The following MARCHF11 variants were observed in gnomAD, a reference collection of about 807,000 sequenced individuals.
MARCHF11 encodes the protein membrane associated ring-CH-type finger 11.
MARCHF11 carries 29 observed loss-of-function variants against 37.3 expected under a neutral mutation model. The observed-to-expected ratio is 0.78, with a 90% CI of 0.58 to 1.06. MARCHF11 has a LOEUF of 1.06. MARCHF11 is among the 50% of genes least tolerant of loss of function. MARCHF11 has a pLI of 0.00. For missense variants in MARCHF11, 482 were observed against 533.4 expected (o/e 0.90, Z 0.95); for synonymous variants, 233 against 228.0 (o/e 1.02, Z -0.20).
At chr5:16,155,403 T>C (rs567507794) in intron 2 of MARCHF11, among the ~76,000 whole-genome samples, 8 of 151,966 alleles carry the variant, frequency 5.3e-5, no homozygotes, top group African/African-American at 1.7e-4. Flanking sequence ...ATTTTTACCC[T>C]ATTGGTATCT....
intron 2 of MARCHF11, among the ~76,000 whole-genome samples, chr5:16,140,501 T>A (rs1290774065): frequency 6.6e-6 from 1 of 152,124 alleles, no homozygotes. Context: ...CCAGACAAAA[T>A]CAACTTCACA....
At chr5:16,153,664 G>C (rs2218211) in intron 2 of MARCHF11, among the ~76,000 whole-genome samples, 2 of 151,952 alleles carry the variant, frequency 1.3e-5, no homozygotes, top group Non-Finnish European at 2.9e-5. Flanking sequence ...TTACAGCAGA[G>C]AATGCTAATT....
At chr5:16,114,568 C>T (rs181770409) in intron 2 of MARCHF11, among the ~76,000 whole-genome samples, 64 of 152,180 alleles carry the variant, frequency 4.2e-4, no homozygotes, top group East Asian at 3.9e-4. Context: ...GTAATCTTCC[C>T]TTTTTGTCTA....
chr5:16,141,415 G>T (rs902314202), intron 2 of MARCHF11: 1 of 152,150 alleles, frequency 6.6e-6, no homozygotes, highest in Non-Finnish European at 1.5e-5. Flanking sequence ...CACTCCCAAA[G>T]TTTCAGGCAC....
chr5:16,172,384 A>G (rs1738284261), intron 2 of MARCHF11, among the ~76,000 whole-genome samples: 1 of 152,158 alleles, frequency 6.6e-6, no homozygotes, highest in Admixed American at 6.5e-5. Flanking sequence ...CAGGATAGAC[A>G]TTTAAATATA....
At chr5:16,172,017 G>T (rs1380558066) in intron 2 of MARCHF11, among the ~76,000 whole-genome samples, 2 of 152,162 alleles carry the variant, frequency 1.3e-5, no homozygotes, top group Admixed American at 6.5e-5. Flanking sequence ...CACCTATAGG[G>T]TACATGTTGT....
At chr5:16,103,385 TAG>T (rs1736991977) in intron 2 of MARCHF11, among the ~76,000 whole-genome samples, 2 of 152,108 alleles carry the variant, frequency 1.3e-5, no homozygotes, top group African/African-American at 4.8e-5. Flanking sequence ...TTATTGTTGC[TAG>T]AGAGTAGAAT....
intron 2 of MARCHF11, among the ~76,000 whole-genome samples, chr5:16,107,775 G>A (rs1367945866): frequency 6.6e-6 from 1 of 152,022 alleles, no homozygotes; most frequent in Non-Finnish European, 1.5e-5. Context: ...CAGACAAATG[G>A]CAGAATGGCG....
chr5:16,108,607 T>C (rs185027847), intron 2 of MARCHF11, among the ~76,000 whole-genome samples: 1 of 151,854 alleles, frequency 6.6e-6, no homozygotes, highest in African/African-American at 2.4e-5. Flanking sequence ...GAGGACCAGA[T>C]ATGTTTGCTT....
intron 3 of MARCHF11, among the ~76,000 whole-genome samples, chr5:16,080,588 T>C (rs1474071265): frequency 6.6e-6 from 1 of 152,174 alleles, no homozygotes; most frequent in Non-Finnish European, 1.5e-5. Context: ...AGCCCTCTTC[T>C]GATAGCCAGT....
At chr5:16,072,909 A>G (rs1736462287) in intron 3 of MARCHF11, among the ~76,000 whole-genome samples, 1 of 152,164 alleles carries the variant, frequency 6.6e-6, no homozygotes, top group African/African-American at 2.4e-5. Context: ...TAGAGGTATA[A>G]TAATGTCAGT....
chr5:16,089,292 T>C (rs904642606), intron 3 of MARCHF11, among the ~76,000 whole-genome samples: 6 of 152,182 alleles, frequency 3.9e-5, no homozygotes, highest in South Asian at 4.1e-4. Flanking sequence ...AAAGACAGAA[T>C]AAACACTGTC....
intron 3 of MARCHF11, among the ~76,000 whole-genome samples, chr5:16,073,349 T>G (rs1476154382): frequency 2.0e-5 from 3 of 152,168 alleles, no homozygotes; most frequent in South Asian, 2.1e-4. Context: ...ATCCTCCTGA[T>G]GCTGTTTCTT....
rs1396294950 is a variant in MARCHF11 at position 16,179,720 on chromosome 5, G to A, written c.-145C>T. On this transcript the variant is annotated 5_prime_UTR_variant, in exon 1 of 4. Transcript: ENST00000332432. ...CTGGGGCTAGGGGGCGGGACGGGGA[G>A]GGGATGCGGAAGGTTCTGCAGCTGC... 2.5e-6 allele frequency: 1 copy of A among 404,828 alleles called. No homozygotes were observed. Among genetic ancestry groups the A allele is most frequent in the African/African-American group, 2.2e-5 (1 of 45,788 alleles). 25.1% of individuals were successfully genotyped at this position (404,828 alleles called of 1,614,324 possible).
chr5:16,143,056 T>C (rs1737743688), intron 2 of MARCHF11, among the ~76,000 whole-genome samples: 1 of 152,062 alleles, frequency 6.6e-6, no homozygotes, highest in Non-Finnish European at 1.5e-5. Context: ...TACTTTTTAA[T>C]GGATAAAAGC....
At chr5:16,165,717 T>C (rs1409123379) in intron 2 of MARCHF11, among the ~76,000 whole-genome samples, 1 of 152,118 alleles carries the variant, frequency 6.6e-6, no homozygotes, top group African/African-American at 2.4e-5. Flanking sequence ...GCTATCAACA[T>C]GACTTATCAG....
At chr5:16,134,619 A>G (rs879453050) in intron 2 of MARCHF11, among the ~76,000 whole-genome samples, 1 of 152,134 alleles carries the variant, frequency 6.6e-6, no homozygotes, top group Non-Finnish European at 1.5e-5. Flanking sequence ...AATTATCACC[A>G]AAAAAATTAT....
chr5:16,155,993 T>A (rs775972871), intron 2 of MARCHF11, among the ~76,000 whole-genome samples: 1 of 151,920 alleles, frequency 6.6e-6, no homozygotes, highest in Non-Finnish European at 1.5e-5. Context: ...AATGTTTCAG[T>A]CCTGGAAATA....
chr5:16,179,193 CCGCCCG>C lies in MARCHF11; in HGVS notation c.377_382del (p.Ala126_Gly127del). 3.0e-6 allele frequency: 4 copies of C among 1,342,258 alleles called. No individual in the cohort carries two copies. Among genetic ancestry groups the C allele is most frequent in the South Asian group, 3.8e-5 (2 of 52,108 alleles). 83.1% of individuals were successfully genotyped at this position (1,342,258 alleles called of 1,614,324 possible). On this transcript the variant is annotated inframe_deletion, in exon 1 of 4. Transcript: ENST00000332432. ...TCCGGCGCCCCGCCGCTCGCGCTCG[CCGCCCG>C]CGCCGGCCTCAGACTCCCCGGGGCC...
Sources: allele counts gnomAD v4.1 joint callset (sites outside exome capture counted in the v4.1 genomes callset), GRCh38; gene constraint gnomAD v4.1.1; transcripts MANE v1.5; gene names NCBI Gene and HGNC (gene_info 2026-07-23, HGNC 2026-07-21).